UBE3B: variants seen among roughly 807,000 people sequenced by gnomAD.
UBE3B encodes ubiquitin protein ligase E3B.
UBE3B carries 80 observed loss-of-function variants against 132.3 expected under a neutral mutation model. The observed-to-expected ratio is 0.60, with a 90% CI of 0.50 to 0.73. The LOEUF is 0.73. Among genes scored for constraint, UBE3B ranks in the 30% least tolerant of loss-of-function variants. The pLI is 0.00. For synonymous variants in UBE3B, 487 were observed against 520.4 expected (o/e 0.94, Z 0.87); for missense variants, 1,196 against 1,362.5 (o/e 0.88, Z 1.92).
chr12:109,513,261 C>T (rs1032117011), intron 18 of UBE3B, among the ~76,000 whole-genome samples: 9 of 152,274 alleles, frequency 5.9e-5, no homozygotes, highest in Admixed American at 2.0e-4. Context: ...CGTCTAGACC[C>T]TCCGCTCTGT....
intron 14 of UBE3B, among the ~76,000 whole-genome samples, chr12:109,504,789 T>C (rs998079824): frequency 6.6e-6 from 1 of 150,682 alleles, no homozygotes; most frequent in East Asian, 1.9e-4. Context: ...GAGTTTGGGG[T>C]TGTGGTTTGT....
At chr12:109,540,864 A>G (rs1288393167), downstream of UBE3B, among the ~76,000 whole-genome samples, 1 of 152,250 alleles carries the variant, frequency 6.6e-6, no homozygotes, top group African/African-American at 2.4e-5. Context: ...AAAGAGCAGA[A>G]GCTGGCAGAC....
At chr12:109,528,361 T>C in intron 24 of UBE3B, 1 of 985,424 alleles carries the variant, frequency 1.0e-6, no homozygotes, top group Non-Finnish European at 1.2e-6. Flanking sequence ...CTTCAAAGTA[T>C]ACCTGGAAGG....
In UBE3B at chr12:109,477,989, T is replaced by C. The variant is rs1874598609; in HGVS notation, c.-248T>C. The C allele has an allele frequency of 6.5e-6, 1 of 152,714 alleles. No homozygotes were observed. The highest frequency in any genetic ancestry group is 2.0e-4 in the South Asian group (1 of 4,972). 9.5% of individuals were successfully genotyped at this position (152,714 alleles called of 1,614,324 possible). The stretch of plus-strand genomic sequence containing the variant: ...TTTCACTTTGGGGACGGTAGGCCTT[T>C]ATAAACGGACTAATGCTGGGTGATT... On this transcript the variant is annotated 5_prime_UTR_variant, in exon 1 of 28. Transcript: ENST00000342494.
chr12:109,489,839 G>A, intron 7 of UBE3B, 80 bp from the exon 8 acceptor site: 2 of 1,332,788 alleles, frequency 1.5e-6, no homozygotes, highest in East Asian at 4.6e-5. Context: ...CCTCGGATGT[G>A]GGACACAATT....
rs774229226 is a variant in UBE3B, at chr12:109,483,875, A to G, written c.176A>G (p.Asp59Gly). 4.3e-6 allele frequency: 7 copies of G among 1,610,670 alleles called. No individual in the cohort carries two copies. Among genetic ancestry groups the G allele is most frequent in the Non-Finnish European group, 5.9e-6 (7 of 1,178,790 alleles). The change falls in exon 4 of 28, where the codon GAC becomes GGC. Residue 59 changes from aspartate (D) to glycine (G), a missense_variant. Physicochemically the swap from Asp to Gly is moderately conservative, Grantham distance 94. Coordinates refer to ENST00000342494, the MANE Select transcript of UBE3B (RefSeq NM_130466.4). ...TTCTTTTCTAGGAGAGAGATTGATG[A>G]CTTTTTTAAAGCAGATGACCCTGAG... Reference protein sequence around the residue: ...LQRDIRREIDDFFKADDPEST... With the variant: ...LQRDIRREIDGFFKADDPEST...
chr12:109,493,825 G>A (rs11614551), intron 9 of UBE3B, among the ~76,000 whole-genome samples: 25,948 of 151,950 alleles, frequency 0.17, 2,275 homozygotes, highest in African/African-American at 0.19. Context: ...TCTTATCTCC[G>A]TTTTATTTAT....
In UBE3B at chr12:109,521,292, A is replaced by C. The variant is rs927766430; in HGVS notation, c.2221A>C (p.Arg741=). The C allele has an allele frequency of 1.2e-6, 2 of 1,614,200 alleles. No individual in the cohort carries two copies. Among genetic ancestry groups the C allele is most frequent in the African/African-American group, 2.7e-5 (2 of 75,050 alleles). Residue 741 remains arginine (R), a synonymous_variant, in exon 20 of 28, where the codon AGA becomes CGA. Transcript: ENST00000342494. This position sits in a 1 kb window ranked among gnomAD's most constrained non-coding sequence, Gnocchi z 4.2. ...GGAGTTCTTGGAAGAGATCATCAAG[A>C]GAGTTTTTGACCCAGCACTCAATCT... The part of the protein sequence containing the change: ...FKEFLEEIIK[R]VFDPALNLFK...
chr12:109,481,385 T>C (rs1200484126), intron 1 of UBE3B, among the ~76,000 whole-genome samples: 2 of 152,142 alleles, frequency 1.3e-5, no homozygotes, highest in Non-Finnish European at 2.9e-5. Flanking sequence ...CTCTAAGTTA[T>C]TTTGCTTCCC....
intron 4 of UBE3B, among the ~76,000 whole-genome samples, chr12:109,484,660 G>T (rs1876089033): frequency 1.3e-5 from 2 of 152,026 alleles, no homozygotes; most frequent in Non-Finnish European, 2.9e-5. Flanking sequence ...AGAGTGCTGG[G>T]ATTACAGGCG....
intron 18 of UBE3B, among the ~76,000 whole-genome samples, chr12:109,513,673 A>G (rs752947844): frequency 1.3e-5 from 2 of 151,484 alleles, no homozygotes; most frequent in Admixed American, 6.6e-5. Flanking sequence ...AGTCCAGGGT[A>G]TATAGTAATC....
intron 16 of UBE3B, 81 bp from the exon 17 acceptor site, chr12:109,510,263 A>C: frequency 8.8e-7 from 1 of 1,134,432 alleles, no homozygotes; most frequent in South Asian, 1.4e-5. Flanking sequence ...CTTGATGACA[A>C]CTGCGGAAGA....
chr12:109,541,282 C>T (rs556884528), downstream of UBE3B, among the ~76,000 whole-genome samples: 190 of 152,282 alleles, frequency 1.2e-3, no homozygotes, highest in Non-Finnish European at 2.2e-3. Context: ...TGACCCAGGC[C>T]GGTGACGGGC....
chr12:109,514,021 C>T (rs1880686948), intron 18 of UBE3B, among the ~76,000 whole-genome samples: 1 of 152,184 alleles, frequency 6.6e-6, no homozygotes, highest in South Asian at 2.1e-4. Context: ...AAATGTTGAA[C>T]CTCTCCCTTG....
rs760940529 is a variant in UBE3B at position 109,521,457 on chromosome 12, A to G, written c.2270A>G (p.Glu757Gly). 1.1e-5 allele frequency: 18 copies of G among 1,585,566 alleles called. No individual in the cohort carries two copies. The highest frequency in any genetic ancestry group is 1.4e-5 in the Non-Finnish European group (16 of 1,160,844). Residue 757 changes from glutamate to glycine, a missense_variant, in exon 21 of 28, where the codon GAG becomes GGG. Glu to Gly is a moderately conservative substitution (Grantham distance 98, BLOSUM62 -2). Transcript: ENST00000342494. The surrounding 1 kb of genome is among the most constrained non-coding windows in gnomAD (Gnocchi z 4.2). The stretch of plus-strand genomic sequence containing the variant: ...GCCTTGCAGACAACCAGTGGGGATG[A>G]GAGGCTGTACCCCTCACCCACATCC... ...LNLFKTTSGD[E>G]RLYPSPTSYI...
chr12:109,517,376 C>G (rs1213218678), intron 19 of UBE3B, among the ~76,000 whole-genome samples: 2 of 152,214 alleles, frequency 1.3e-5, no homozygotes, highest in African/African-American at 4.8e-5. Flanking sequence ...CAAGATACCA[C>G]TGAAGTGACC....
chr12:109,530,244 A>G (rs2136126241), intron 25 of UBE3B, among the ~76,000 whole-genome samples, 172 bp downstream of exon 25: 1 of 152,256 alleles, frequency 6.6e-6, no homozygotes, highest in South Asian at 2.1e-4. Flanking sequence ...TTGTCTGCCT[A>G]GAGATTAAGA....
rs183337462 is a variant in UBE3B, at chr12:109,533,071, C to T, written c.2923-395C>T. On this transcript the variant is annotated intron_variant, in intron 26 of 27. Coordinates refer to ENST00000342494, the MANE Select transcript of UBE3B (RefSeq NM_130466.4). ...CGCCCTCACCGTCTCCCATTTTCTC[C>T]TCACATGGTCTCTCTGTGGGAGGGT... Among the ~76,000 whole-genome samples, 19 of 152,304 alleles carry T rather than the reference C, an allele frequency of 1.2e-4. No individual in the cohort carries two copies. In the East Asian group the frequency reaches 3.5e-3, roughly 28 times the overall value.
rs989238241 is a variant in UBE3B, at chr12:109,535,651, G to A, written c.*869G>A. The stretch of plus-strand genomic sequence containing the variant: ...ATTTGTCTCACTGGTTATCTAATGA[G>A]GAACAAACACTAACCTAAGGTACAC... On this transcript the variant is annotated 3_prime_UTR_variant, in exon 28 of 28. Coordinates refer to ENST00000342494, the MANE Select transcript of UBE3B (RefSeq NM_130466.4). The A allele has an allele frequency of 1.3e-5, 2 of 152,164 alleles. No homozygotes were observed. The highest frequency in any genetic ancestry group is 3.9e-4 in the East Asian group (2 of 5,194). The allele number at this position is 152,164 out of a possible 1,614,324, so 9.4% of individuals were successfully genotyped here. A position where few individuals can be genotyped will look rare whatever the true frequency, so the allele number is the denominator to read the frequency against.
Sources: allele counts gnomAD v4.1 joint callset (sites outside exome capture counted in the v4.1 genomes callset), GRCh38; gene constraint gnomAD v4.1.1; non-coding constraint Gnocchi (gnomAD v3.1); transcripts MANE v1.5; gene names NCBI Gene and HGNC (gene_info 2026-07-23, HGNC 2026-07-21).